HIRA: variants seen among roughly 807,000 people sequenced by gnomAD.
HIRA encodes histone cell cycle regulator, also known as protein HIRA.
HIRA carries 13 observed loss-of-function variants against 126.6 expected under a neutral mutation model. That is an observed-to-expected ratio of 0.10 (90% confidence interval 0.07 to 0.16). The LOEUF is 0.16. HIRA is among the 10% of genes least tolerant of loss of function. The pLI, the probability that HIRA is intolerant of heterozygous loss-of-function variation, is 1.00. For synonymous variants in HIRA, 511 were observed against 520.0 expected (o/e 0.98, Z 0.24); for missense variants, 834 against 1,314.4 (o/e 0.63, Z 5.65).
At chr22:19,428,647 A>G (rs2089506933) in intron 1 of HIRA, among the ~76,000 whole-genome samples, 1 of 152,140 alleles carries the variant, frequency 6.6e-6, no homozygotes, top group African/African-American at 2.4e-5. Context: ...CTCTCGAAAA[A>G]CAGAAAAAGT....
intron 15 of HIRA, among the ~76,000 whole-genome samples, chr22:19,368,428 A>AT (rs1399200959): frequency 1.3e-4 from 19 of 150,736 alleles, no homozygotes; most frequent in South Asian, 6.4e-4. Context: ...ATCCTTTAAA[A>AT]ATTTTTTTTT....
intron 13 of HIRA, among the ~76,000 whole-genome samples, chr22:19,379,909 A>G (rs907424635): frequency 4.6e-5 from 7 of 152,006 alleles, no homozygotes; most frequent in Non-Finnish European, 1.0e-4. Context: ...CCTGGGTTCA[A>G]GTGACTTTCC....
intron 17 of HIRA, among the ~76,000 whole-genome samples, chr22:19,360,525 G>A (rs1313417699): frequency 6.6e-6 from 1 of 152,180 alleles, no homozygotes; most frequent in Non-Finnish European, 1.5e-5. Flanking sequence ...CTGGTGCCCT[G>A]TGAGGACCAA....
chr22:19,356,882 C>A lies in HIRA; in HGVS notation c.2396+8G>T, dbSNP rs2088817273. 1 of 1,551,068 alleles carries A rather than the reference C, an allele frequency of 6.4e-7. No homozygotes were observed. Among genetic ancestry groups the A allele is most frequent in the African/African-American group, 1.3e-5 (1 of 74,366 alleles). On this transcript the variant is annotated splice_region_variant and intron_variant, in intron 19 of 24. Transcript: ENST00000263208. ...TGAAGCCCACCCCACCCTGTGCCTG[C>A]CTCTCACCAGACAGAGAGTGTGGCT...
chr22:19,412,019 C>G (rs1182214160), intron 1 of HIRA, among the ~76,000 whole-genome samples: 1 of 152,242 alleles, frequency 6.6e-6, no homozygotes, highest in African/African-American at 2.4e-5. Flanking sequence ...TTCCTTCTTA[C>G]TGGTCACTAT....
intron 1 of HIRA, among the ~76,000 whole-genome samples, chr22:19,425,584 A>G (rs1398836986): frequency 1.4e-5 from 2 of 144,642 alleles, no homozygotes; most frequent in African/African-American, 5.8e-5. Context: ...TTCTGCTCAT[A>G]AAGTGAAAAT....
intron 5 of HIRA, chr22:19,399,139 G>C: frequency 4.1e-6 from 4 of 985,398 alleles, no homozygotes; most frequent in Non-Finnish European, 4.8e-6. Context: ...CCTGCCATCA[G>C]GGGTGAAGGG....
intron 24 of HIRA, among the ~76,000 whole-genome samples, chr22:19,350,336 A>G (rs184692041): frequency 2.9e-4 from 44 of 152,206 alleles, no homozygotes; most frequent in Non-Finnish European, 4.7e-4. Flanking sequence ...GAGGTGCCCC[A>G]TCAGTAATTG....
chr22:19,408,670 TAGG>T (rs2089326371), intron 2 of HIRA, 77 bp from the exon 3 acceptor site: 5 of 793,760 alleles, frequency 6.3e-6, no homozygotes, highest in Middle Eastern at 2.3e-4. Context: ...CAAATTAAAT[TAGG>T]AGAAGTCCTC....
chr22:19,331,104 G>A lies in HIRA; in HGVS notation c.*336C>T, dbSNP rs1556004384. The A allele has an allele frequency of 8.1e-7, 1 of 1,234,924 alleles. No individual in the cohort carries two copies. Among genetic ancestry groups the A allele is most frequent in the Non-Finnish European group, 1.0e-6 (1 of 963,486 alleles). 76.5% of individuals were successfully genotyped at this position (1,234,924 alleles called of 1,614,324 possible). On this transcript the variant is annotated 3_prime_UTR_variant, in exon 25 of 25. Transcript: ENST00000263208. ...TCACTGCTGAAGCAGCATGGTGCCT[G>A]CAGCAGCAGGGGCTAGTGTCCACCT... is the stretch of plus-strand genomic sequence containing the variant.
At chr22:19,403,114 A>G (rs976438440) in intron 5 of HIRA, among the ~76,000 whole-genome samples, 1 of 151,866 alleles carries the variant, frequency 6.6e-6, no homozygotes, top group Admixed American at 6.6e-5. Context: ...AAAAAAAAAA[A>G]AAAAGAAAAA....
Position 19,405,886 on chromosome 22 carries a change from TG to T in HIRA, c.303-7del. Reference sequence around the variant, plus strand: ...CGGTGCTGGGGCCGATGTACCTGTGTGAGAAAGGGGCCAAAAAGGCACTCAT... The same window carrying T: ...CGGTGCTGGGGCCGATGTACCTGTGTAGAAAGGGGCCAAAAAGGCACTCAT... On this transcript the variant is annotated splice_region_variant and splice_polypyrimidine_tract_variant and intron_variant, in intron 4 of 24. Coordinates refer to ENST00000263208, the MANE Select transcript of HIRA (RefSeq NM_003325.4). 1 of 1,458,926 alleles carries T rather than the reference TG, an allele frequency of 6.9e-7. No homozygotes were observed. The highest frequency in any genetic ancestry group is 9.1e-7 in the Non-Finnish European group (1 of 1,097,004). 90.4% of individuals were successfully genotyped at this position (1,458,926 alleles called of 1,614,324 possible). A position where few individuals can be genotyped will look rare whatever the true frequency, so the allele number is the denominator to read the frequency against.
At chr22:19,333,056 G>A (rs1601791977) in intron 24 of HIRA, among the ~76,000 whole-genome samples, 1 of 152,102 alleles carries the variant, frequency 6.6e-6, no homozygotes, top group South Asian at 2.1e-4. Context: ...CTATAGGTGT[G>A]TGCCACCATG....
At chr22:19,364,662 T>G (rs1283774101) in intron 15 of HIRA, among the ~76,000 whole-genome samples, 1 of 152,218 alleles carries the variant, frequency 6.6e-6, no homozygotes, top group Non-Finnish European at 1.5e-5. Context: ...TAAATGGCGT[T>G]TATGTTCTGA....
intron 1 of HIRA, among the ~76,000 whole-genome samples, chr22:19,417,269 A>G (rs544199182): frequency 2.0e-5 from 3 of 152,338 alleles, no homozygotes; most frequent in African/African-American, 7.2e-5. Context: ...TGTCAACATC[A>G]GTAACCAGTA....
rs920672802 is a variant in HIRA, at chr22:19,401,135, C to T, written c.398-3048G>A. ...GTTTTTTGAGTACTCTCCAATGACACCTTTGGCCCAATGACACCACATGAA... is the reference window on the plus strand; with the variant it reads ...GTTTTTTGAGTACTCTCCAATGACATCTTTGGCCCAATGACACCACATGAA... On this transcript the variant is annotated intron_variant, in intron 5 of 24. Coordinates refer to ENST00000263208, the MANE Select transcript of HIRA (RefSeq NM_003325.4). Among the ~76,000 whole-genome samples the T allele has an allele frequency of 3.3e-5, 5 of 152,114 alleles. 1 individual carries two copies. The highest frequency in any genetic ancestry group is 4.1e-4 in the South Asian group (2 of 4,820).
intron 18 of HIRA, 134 bp downstream of exon 18, chr22:19,359,202 G>A (rs2088840980): frequency 1.1e-6 from 1 of 918,832 alleles, no homozygotes; most frequent in Non-Finnish European, 1.5e-6. Flanking sequence ...TTGGCCTGGA[G>A]TGAAGCCTGG....
Position 19,351,351 on chromosome 22 carries a change from C to G in HIRA, c.2937+7G>C, listed in dbSNP as rs75967746. Reference sequence around the variant, plus strand: ...ATTCTTGCAGCAACAATGAAAGAAGCACCTACCACTACTGTTGACTCCCAC... The same window carrying G: ...ATTCTTGCAGCAACAATGAAAGAAGGACCTACCACTACTGTTGACTCCCAC... On this transcript the variant is annotated splice_region_variant and intron_variant, in intron 24 of 24. Transcript: ENST00000263208. The surrounding 1 kb of genome is among the most constrained non-coding windows in gnomAD (Gnocchi z 4.8). 1 of 1,597,938 alleles carries G rather than the reference C, an allele frequency of 6.3e-7. No individual in the cohort carries two copies. Among genetic ancestry groups the G allele is most frequent in the South Asian group, 1.1e-5 (1 of 87,686 alleles).
chr22:19,337,094 TTTTC>T lies in HIRA; in HGVS notation c.2938-5542_2938-5539del, dbSNP rs782079941. Among the ~76,000 whole-genome samples the T allele has an allele frequency of 1.2e-4, 18 of 152,206 alleles. No homozygotes were observed. The South Asian group carries it at 1.2e-3, about 11-fold the overall frequency. On this transcript the variant is annotated intron_variant, in intron 24 of 24. Transcript: ENST00000263208. ...CTTAAAAAGGCAGAACTTTTTGGCT[TTTTC>T]TTTTTCTTTTTTTTTTGAGACAGGG...
Sources: allele counts gnomAD v4.1 joint callset (sites outside exome capture counted in the v4.1 genomes callset), GRCh38; gene constraint gnomAD v4.1.1; non-coding constraint Gnocchi (gnomAD v3.1); transcripts MANE v1.5; gene names NCBI Gene and HGNC (gene_info 2026-07-23, HGNC 2026-07-21).